Variants in FAM135B observed in about 807,000 individuals in gnomAD.
FAM135B encodes family with sequence similarity 135 member B.
Under a neutral mutation model 127.7 loss-of-function variants are expected in FAM135B, and 43 were observed. That is an observed-to-expected ratio of 0.34 (90% CI 0.26 to 0.43). The LOEUF (loss-of-function observed/expected upper bound fraction) is 0.43. Among genes scored for constraint, FAM135B ranks in the 20% least tolerant of loss-of-function variants. The pLI is 1.00. For synonymous variants in FAM135B, 670 were observed against 665.1 expected, an observed-to-expected ratio of 1.01 and a Z score of -0.11; for missense variants, 1,558 against 1,725.6, an observed-to-expected ratio of 0.90 and a Z score of 1.72.
chr8:138,164,656 G>A (rs1271330910), intron 12 of FAM135B, among the ~76,000 whole-genome samples: 1 of 152,118 alleles, frequency 6.6e-6, no homozygotes. Context: ...TCCATTACCT[G>A]AAAGCCCCCT....
At chr8:138,463,778 G>C (rs920240219) in intron 1 of FAM135B, among the ~76,000 whole-genome samples, 2 of 152,128 alleles carry the variant, frequency 1.3e-5, no homozygotes, top group African/African-American at 4.8e-5. Context: ...TTCAGAAGGA[G>C]GAGGCTTGAA....
intron 2 of FAM135B, among the ~76,000 whole-genome samples, chr8:138,351,181 C>T (rs965018937): frequency 1.3e-5 from 2 of 152,156 alleles, no homozygotes; most frequent in Non-Finnish European, 2.9e-5. Context: ...TGAATTGTGT[C>T]CCCTTCAAAG....
chr8:138,228,327 A>G (rs1819636327), intron 7 of FAM135B, among the ~76,000 whole-genome samples: 1 of 152,072 alleles, frequency 6.6e-6, no homozygotes, highest in Non-Finnish European at 1.5e-5. Context: ...TGAGGTTTGC[A>G]TAATTTAAGA....
chr8:138,314,699 A>G (rs1826941203), intron 2 of FAM135B, among the ~76,000 whole-genome samples: 1 of 147,184 alleles, frequency 6.8e-6, no homozygotes, highest in South Asian at 2.2e-4. Flanking sequence ...CCTACAATAA[A>G]TAAATAAATA....
At chr8:138,363,578 T>C (rs1223176421) in intron 2 of FAM135B, among the ~76,000 whole-genome samples, 2 of 152,108 alleles carry the variant, frequency 1.3e-5, no homozygotes, top group African/African-American at 4.8e-5. Context: ...CTTTGAGAAT[T>C]TGTGTCAGTC....
At chr8:138,237,380 T>A (rs1421406048) in intron 7 of FAM135B, among the ~76,000 whole-genome samples, 1 of 152,038 alleles carries the variant, frequency 6.6e-6, no homozygotes, top group Non-Finnish European at 1.5e-5. Flanking sequence ...AGGCTGTTCT[T>A]GAACTCCTGA....
intron 2 of FAM135B, among the ~76,000 whole-genome samples, chr8:138,316,957 G>A (rs1827148387): frequency 6.6e-6 from 1 of 151,546 alleles, no homozygotes; most frequent in Non-Finnish European, 1.5e-5. Flanking sequence ...TCTAGCCTGG[G>A]GGACAGAGCA....
At chr8:138,233,988 A>C (rs10093659) in intron 7 of FAM135B, among the ~76,000 whole-genome samples, 29,012 of 152,160 alleles carry the variant, frequency 0.19, 3,044 homozygotes, top group Non-Finnish European at 0.23. Flanking sequence ...TGAGATATCA[A>C]TTCACACCTC....
At chr8:138,168,165 C>T in intron 11 of FAM135B, 116 bp from the exon 12 acceptor site, 1 of 1,195,510 alleles carries the variant, frequency 8.4e-7, no homozygotes, top group Non-Finnish European at 1.1e-6. Flanking sequence ...TGGCAATTGT[C>T]TGCCCATCAT....
At chr8:138,233,922 T>C (rs1820083868) in intron 7 of FAM135B, among the ~76,000 whole-genome samples, 2 of 152,178 alleles carry the variant, frequency 1.3e-5, no homozygotes, top group South Asian at 4.1e-4. Flanking sequence ...CAAATGGGCA[T>C]ATGAAATGAT....
At chr8:138,221,865 G>T (rs373238844) in intron 7 of FAM135B, among the ~76,000 whole-genome samples, 1 of 152,118 alleles carries the variant, frequency 6.6e-6, no homozygotes, top group Non-Finnish European at 1.5e-5. Flanking sequence ...ACGCACATGC[G>T]CACACACCCA....
chr8:138,390,330 T>C (rs934119133), intron 1 of FAM135B, among the ~76,000 whole-genome samples: 1 of 152,102 alleles, frequency 6.6e-6, no homozygotes, highest in Non-Finnish European at 1.5e-5. Context: ...AGTGAATAAG[T>C]CCCAGGAGAG....
chr8:138,396,380 T>C (rs531125027), intron 1 of FAM135B, among the ~76,000 whole-genome samples: 4 of 152,252 alleles, frequency 2.6e-5, no homozygotes, highest in South Asian at 2.1e-4. Flanking sequence ...GTAAAGCCCA[T>C]ATAAAGCTCC....
intron 7 of FAM135B, among the ~76,000 whole-genome samples, chr8:138,210,999 G>T: frequency 6.6e-6 from 1 of 152,142 alleles, no homozygotes; most frequent in East Asian, 1.9e-4. Flanking sequence ...GGGCATGGCT[G>T]TGATTTGAAT....
intron 9 of FAM135B, among the ~76,000 whole-genome samples, chr8:138,190,485 C>T (rs1425973363): frequency 6.6e-6 from 1 of 152,174 alleles, no homozygotes; most frequent in Non-Finnish European, 1.5e-5. Context: ...ACAGCAGGCC[C>T]TTGAAAGAAA....
At chr8:138,189,697 A>G (rs1009877971) in intron 9 of FAM135B, among the ~76,000 whole-genome samples, 1 of 152,052 alleles carries the variant, frequency 6.6e-6, no homozygotes, top group Non-Finnish European at 1.5e-5. Flanking sequence ...GTTGAGCTCA[A>G]TGGGTTTGAG....
chr8:138,223,822 A>T (rs10102789), intron 7 of FAM135B, among the ~76,000 whole-genome samples: 54,436 of 151,858 alleles, frequency 0.36, 9,952 homozygotes, highest in Admixed American at 0.38. Context: ...AAACAACATG[A>T]GGTCCATATA....
chr8:138,477,024 G>A (rs1245334383), intron 1 of FAM135B, among the ~76,000 whole-genome samples: 3 of 152,186 alleles, frequency 2.0e-5, no homozygotes, highest in Non-Finnish European at 2.9e-5. Context: ...AATGGTTCCT[G>A]AAAGGCATGA....
At chr8:138,218,318 T>C (rs1274120928) in intron 7 of FAM135B, among the ~76,000 whole-genome samples, 1 of 152,206 alleles carries the variant, frequency 6.6e-6, no homozygotes, top group Non-Finnish European at 1.5e-5. Context: ...ATTTATTCAA[T>C]ATTTACCATA....
Sources: allele counts gnomAD v4.1 joint callset (sites outside exome capture counted in the v4.1 genomes callset), GRCh38; gene constraint gnomAD v4.1.1; transcripts MANE v1.5; gene names NCBI Gene and HGNC (gene_info 2026-07-23, HGNC 2026-07-21).